CSMD1: variants seen among roughly 807,000 people sequenced by gnomAD.
CSMD1 encodes CUB and Sushi multiple domains 1.
CSMD1 carries 213 observed loss-of-function variants against 417.5 expected under a neutral mutation model. The ratio of observed to expected loss-of-function variants is 0.51; its 90% confidence interval spans 0.46 to 0.57. The LOEUF is 0.57. CSMD1 is among the 20% of genes least tolerant of loss of function. CSMD1 has a pLI of 0.00. For synonymous variants in CSMD1, 2,862 were observed against 1,736.8 expected (o/e 1.65, Z -16.11); for missense variants, 6,923 against 4,529.7 (o/e 1.53, Z -15.17).
At chr8:3,668,320 G>T (rs1798810675) in intron 7 of CSMD1, among the ~76,000 whole-genome samples, 2 of 152,172 alleles carry the variant, frequency 1.3e-5, no homozygotes, top group Non-Finnish European at 2.9e-5. Flanking sequence ...TTAGGAAGGA[G>T]GGGCATGTCC....
chr8:3,341,606 G>A (rs377494027), intron 23 of CSMD1, among the ~76,000 whole-genome samples: 1 of 152,150 alleles, frequency 6.6e-6, no homozygotes, highest in Non-Finnish European at 1.5e-5. Context: ...TTGAGAGTGA[G>A]GTCCCAGGAG....
At chr8:4,476,510 A>T (rs915493933) in intron 2 of CSMD1, among the ~76,000 whole-genome samples, 1 of 152,192 alleles carries the variant, frequency 6.6e-6, no homozygotes, top group Non-Finnish European at 1.5e-5. Context: ...CATCATCACT[A>T]CTTTTCGGAG....
intron 11 of CSMD1, among the ~76,000 whole-genome samples, chr8:3,492,833 T>G (rs975755737): frequency 8.6e-5 from 13 of 151,364 alleles, no homozygotes; most frequent in African/African-American, 3.1e-4. Flanking sequence ...CCCCAACACT[T>G]TTCCCCCCCA....
chr8:4,233,592 G>A (rs1016965237), intron 3 of CSMD1, among the ~76,000 whole-genome samples: 2 of 152,222 alleles, frequency 1.3e-5, no homozygotes, highest in South Asian at 2.1e-4. Context: ...TATGAACCAG[G>A]AAATGATCCC....
chr8:4,360,798 G>A (rs1039311028), intron 3 of CSMD1, among the ~76,000 whole-genome samples: 10 of 151,400 alleles, frequency 6.6e-5, no homozygotes, highest in African/African-American at 2.4e-4. Context: ...CCGGCCCCTC[G>A]GGGTTCGTAA....
At chr8:4,246,574 T>C (rs1802723224) in intron 3 of CSMD1, among the ~76,000 whole-genome samples, 1 of 152,176 alleles carries the variant, frequency 6.6e-6, no homozygotes, top group Admixed American at 6.5e-5. Flanking sequence ...AAAATAATTA[T>C]TTGCAATTCT....
chr8:3,858,376 A>G (rs1446902527), intron 5 of CSMD1, among the ~76,000 whole-genome samples: 1 of 152,174 alleles, frequency 6.6e-6, no homozygotes, highest in Non-Finnish European at 1.5e-5. Context: ...TGGTTTTATA[A>G]CAATGATTTA....
intron 1 of CSMD1, among the ~76,000 whole-genome samples, chr8:4,884,863 A>C (rs1315028249): frequency 6.6e-6 from 1 of 152,060 alleles, no homozygotes; most frequent in Admixed American, 6.5e-5. Flanking sequence ...TTGAATTTCA[A>C]CATAAATTTT....
intron 3 of CSMD1, among the ~76,000 whole-genome samples, chr8:4,329,953 G>A (rs577125872): frequency 1.3e-5 from 2 of 152,094 alleles, no homozygotes; most frequent in African/African-American, 2.4e-5. Context: ...TGCCATGACT[G>A]GAAGCTCCCT....
At chr8:4,269,223 A>T (rs549943216) in intron 3 of CSMD1, among the ~76,000 whole-genome samples, 2 of 152,108 alleles carry the variant, frequency 1.3e-5, no homozygotes, top group African/African-American at 2.4e-5. Context: ...CACCCGGCTA[A>T]TTTTTGTATA....
intron 6 of CSMD1, among the ~76,000 whole-genome samples, chr8:3,736,186 G>A (rs1006566165): frequency 2.0e-5 from 3 of 152,118 alleles, no homozygotes; most frequent in African/African-American, 7.2e-5. Flanking sequence ...CATATTCTAT[G>A]TGTATTAACA....
intron 50 of CSMD1, among the ~76,000 whole-genome samples, chr8:3,047,902 G>C (rs949034889): frequency 1.3e-5 from 2 of 152,162 alleles, no homozygotes; most frequent in East Asian, 1.9e-4. Flanking sequence ...AGTAGTTTCT[G>C]TTTATGCCGT....
At chr8:3,302,796 C>T (rs893530352) in intron 25 of CSMD1, among the ~76,000 whole-genome samples, 4 of 152,246 alleles carry the variant, frequency 2.6e-5, no homozygotes, top group Middle Eastern at 3.4e-3. Context: ...GTTTATGTAC[C>T]ATGGCAGCTG....
intron 2 of CSMD1, among the ~76,000 whole-genome samples, chr8:4,456,824 G>C (rs914570058): frequency 6.6e-6 from 1 of 151,964 alleles, no homozygotes. Flanking sequence ...CTGAGCCAGT[G>C]GGTACCTGCA....
chr8:3,209,310 TA>T (rs1797470824), intron 30 of CSMD1, among the ~76,000 whole-genome samples: 18 of 148,524 alleles, frequency 1.2e-4, no homozygotes, highest in Admixed American at 3.4e-4. Context: ...TTTATTTATT[TA>T]TTTATTTATA....
chr8:3,564,595 C>T (rs1485340892), intron 10 of CSMD1, among the ~76,000 whole-genome samples: 1 of 150,268 alleles, frequency 6.7e-6, no homozygotes, highest in African/African-American at 2.5e-5. Flanking sequence ...CCCTTGTTCT[C>T]CATTTTATTT....
chr8:4,788,854 C>T (rs1263118081), intron 1 of CSMD1, among the ~76,000 whole-genome samples: 2 of 152,220 alleles, frequency 1.3e-5, no homozygotes, highest in South Asian at 2.1e-4. Context: ...CAGAAACTCT[C>T]CCTGCTCCTT....
intron 7 of CSMD1, among the ~76,000 whole-genome samples, chr8:3,630,934 T>G (rs528136293): frequency 6.6e-6 from 1 of 152,292 alleles, no homozygotes; most frequent in Non-Finnish European, 1.5e-5. Context: ...AAACATGGTA[T>G]TCACTTTCTT....
At chr8:3,311,336 A>G (rs113427234) in intron 23 of CSMD1, among the ~76,000 whole-genome samples, 2,832 of 152,094 alleles carry the variant, frequency 0.019, 87 homozygotes, top group African/African-American at 0.064. Flanking sequence ...TGCAACCTCC[A>G]TCTCCTGGGT....
Sources: gnomAD v4.1 joint callset for allele counts (sites outside exome capture counted in the v4.1 genomes callset) on GRCh38, gnomAD v4.1.1 for gene constraint, MANE v1.5 for transcripts, NCBI Gene and HGNC (gene_info 2026-07-23, HGNC 2026-07-21) for gene names.